The following USP4 variants were observed in gnomAD, a reference collection of about 807,000 sequenced individuals.
The protein encoded by USP4 is ubiquitin specific peptidase 4, also known as ubiquitin carboxyl-terminal hydrolase 4.
USP4 carries 72 observed loss-of-function variants against 118.2 expected under a neutral mutation model. The observed-to-expected ratio is 0.61, with a 90% CI of 0.50 to 0.74. USP4 has a LOEUF of 0.74. Among genes scored for constraint, USP4 ranks in the 30% least tolerant of loss-of-function variants. The pLI, the probability that USP4 is intolerant of heterozygous loss-of-function variation, is 0.00. For synonymous variants in USP4, 415 were observed against 440.4 expected, an observed-to-expected ratio of 0.94 and a Z score of 0.72; for missense variants, 1,037 against 1,185.7, an observed-to-expected ratio of 0.87 and a Z score of 1.84.
intron 6 of USP4, among the ~76,000 whole-genome samples, chr3:49,318,131 T>C (rs1484308949): frequency 1.3e-5 from 2 of 152,140 alleles, no homozygotes; most frequent in African/African-American, 4.8e-5. Context: ...CCACCGTGCC[T>C]GACCTAATTT....
chr3:49,305,905 T>G lies in USP4; in HGVS notation c.955-17A>C, dbSNP rs773749263. The stretch of plus-strand genomic sequence containing the variant: ...GCTCAAACACTGAAACAGAACATGA[T>G]GAGGGCTTTACACACCTTCTAGACA... On this transcript the variant is annotated splice_polypyrimidine_tract_variant and intron_variant, in intron 8 of 21. Coordinates refer to ENST00000265560, the MANE Select transcript of USP4 (RefSeq NM_003363.4). 1 of 1,610,216 alleles carries G rather than the reference T, an allele frequency of 6.2e-7. No homozygotes were observed. The highest frequency in any genetic ancestry group is 2.2e-5 in the East Asian group (1 of 44,824).
At chr3:49,338,560 G>A (rs926739352) in intron 1 of USP4, among the ~76,000 whole-genome samples, 2 of 151,448 alleles carry the variant, frequency 1.3e-5, no homozygotes, top group African/African-American at 4.9e-5. Context: ...TACTGGGGAG[G>A]CTGAGGCAGG....
intron 19 of USP4, among the ~76,000 whole-genome samples, chr3:49,281,450 C>T (rs1319724472): frequency 2.1e-5 from 3 of 140,112 alleles, no homozygotes; most frequent in Admixed American, 7.3e-5. Flanking sequence ...AGCGAGACTC[C>T]GTCTCAAAAA....
chr3:49,326,337 A>AT (rs912419703), intron 3 of USP4, among the ~76,000 whole-genome samples: 16 of 151,380 alleles, frequency 1.1e-4, no homozygotes, highest in East Asian at 3.9e-4. Context: ...ATATATATAT[A>AT]TTTTTTTTCT....
At chr3:49,323,271 TAAAAAAAAAAAAA>T (rs1173500243) in intron 6 of USP4, among the ~76,000 whole-genome samples, 34 of 101,230 alleles carry the variant, frequency 3.4e-4, no homozygotes, top group Non-Finnish European at 5.0e-4. Context: ...CTGGCCTTTT[TAAAAAAAAAAAAA>T]AAAAAAAAAA....
At chr3:49,335,005 A>C (rs1265932521) in intron 2 of USP4, among the ~76,000 whole-genome samples, 2 of 152,104 alleles carry the variant, frequency 1.3e-5, no homozygotes, top group Non-Finnish European at 2.9e-5. Flanking sequence ...TACAGTCATA[A>C]CTCTGTCTAC....
intron 8 of USP4, among the ~76,000 whole-genome samples, chr3:49,309,924 C>A (rs11130189): frequency 0.76 from 95,755 of 125,806 alleles, 35,533 homozygotes; most frequent in East Asian, 0.99. Context: ...ACAGTGCTGC[C>A]CCCGGACTTT....
At position 49,298,608 on chromosome 3, in the gene USP4, C is replaced by A; in HGVS notation, c.1540G>T (p.Ala514Ser). Residue 514 changes from alanine to serine, a missense_variant, in exon 12 of 22, where the codon GCT (alanine) becomes TCT (serine). Transcript: ENST00000265560. ...AGAGCCTCGCACAGGTCGGACACAGCCCCCATCAGCGGCACAGTCACACGG... is the reference window on the plus strand; with the variant it reads ...AGAGCCTCGCACAGGTCGGACACAGACCCCATCAGCGGCACAGTCACACGG... Reference protein sequence around the residue: ...QYRVTVPLMGAVSDLCEALSR... With the variant: ...QYRVTVPLMGSVSDLCEALSR... 6.2e-7 allele frequency: 1 copy of A among 1,614,122 alleles called. No individual in the cohort carries two copies. Among genetic ancestry groups the A allele is most frequent in the South Asian group, 1.1e-5 (1 of 91,082 alleles).
At position 49,339,115 on chromosome 3, in the gene USP4, C is replaced by A. The variant is rs140396096; in HGVS notation, c.101+809G>T. Among the ~76,000 whole-genome samples the A allele has an allele frequency of 2.4e-3, 371 of 152,324 alleles. 2 individuals carry two copies. Among genetic ancestry groups the A allele is most frequent in the African/African-American group, 8.5e-3 (352 of 41,584 alleles). ...TGAGCCAAGATCACGCCACTGCACT[C>A]CAGCTTGGGCAACAAGAGTGAAACT... On this transcript the variant is annotated intron_variant, in intron 1 of 21. Transcript: ENST00000265560.
At chr3:49,333,100 G>T (rs571349110) in intron 2 of USP4, among the ~76,000 whole-genome samples, 50 of 149,854 alleles carry the variant, frequency 3.3e-4, no homozygotes, top group Non-Finnish European at 6.7e-4. Context: ...GCAATAATAA[G>T]GCTGTTTCAG....
At chr3:49,332,702 AT>A (rs544433231) in intron 2 of USP4, among the ~76,000 whole-genome samples, 69 of 152,024 alleles carry the variant, frequency 4.5e-4, no homozygotes, top group South Asian at 1.9e-3. Flanking sequence ...TCTCAAAAAA[AT>A]AATAATAATA....
At chr3:49,322,685 A>G (rs1040546238) in intron 6 of USP4, among the ~76,000 whole-genome samples, 2 of 151,692 alleles carry the variant, frequency 1.3e-5, no homozygotes, top group African/African-American at 4.8e-5. Flanking sequence ...ACATGGTAAA[A>G]CCCTGTCTCT....
At chr3:49,302,090 G>T (rs1201637802) in intron 10 of USP4, among the ~76,000 whole-genome samples, 2 of 150,756 alleles carry the variant, frequency 1.3e-5, no homozygotes, top group Non-Finnish European at 2.9e-5. Context: ...CCTCACGCCT[G>T]TTGTAATCCC....
chr3:49,320,740 CT>C (rs911550869), intron 6 of USP4, among the ~76,000 whole-genome samples: 16 of 152,176 alleles, frequency 1.1e-4, no homozygotes, highest in South Asian at 2.1e-4. Flanking sequence ...TTTCAGGTTT[CT>C]TTTTTTTCCC....
At position 49,335,375 on chromosome 3, in the gene USP4, C is replaced by A. The variant is rs1025029910; in HGVS notation, c.229+94G>T. On this transcript the variant is annotated intron_variant, in intron 2 of 21. Transcript: ENST00000265560. ...GGATACTTGTTTCTATCTCCTCACA[C>A]TAGGAAAGTTCACAACGTCCATGTT... 4 of 1,551,636 alleles carry A rather than the reference C, an allele frequency of 2.6e-6. No homozygotes were observed. The East Asian group carries it at 6.8e-5, about 26-fold the overall frequency.
At chr3:49,290,154 C>G (rs1011819476) in intron 15 of USP4, among the ~76,000 whole-genome samples, 3 of 152,090 alleles carry the variant, frequency 2.0e-5, no homozygotes, top group African/African-American at 7.2e-5. Context: ...CAGCCTCAGG[C>G]CTGTAACCCC....
intron 19 of USP4, among the ~76,000 whole-genome samples, chr3:49,283,244 G>A (rs1031771297): frequency 6.8e-6 from 1 of 147,716 alleles, no homozygotes; most frequent in Non-Finnish European, 1.5e-5. Flanking sequence ...TCGATCTCCA[G>A]ACCTTGTGAT....
intron 1 of USP4, among the ~76,000 whole-genome samples, chr3:49,338,512 A>G (rs1252810913): frequency 1.3e-5 from 2 of 151,868 alleles, no homozygotes; most frequent in African/African-American, 4.8e-5. Context: ...TACAAAAAAA[A>G]TTAGCCGGCC....
chr3:49,325,095 AGC>A, intron 4 of USP4, 56 bp from the exon 5 acceptor site: 1 of 1,583,290 alleles, frequency 6.3e-7, no homozygotes, highest in Non-Finnish European at 8.6e-7. Context: ...GGCTAAAGAC[AGC>A]CATGGCAAAC....
Sources: gnomAD v4.1 joint callset for allele counts (sites outside exome capture counted in the v4.1 genomes callset) on GRCh38, gnomAD v4.1.1 for gene constraint, MANE v1.5 for transcripts, NCBI Gene and HGNC (gene_info 2026-07-23, HGNC 2026-07-21) for gene names.